PTPN11: variants seen among roughly 807,000 people sequenced by gnomAD.
PTPN11 encodes the protein protein tyrosine phosphatase non-receptor type 11.
In PTPN11, 6 loss-of-function variants were observed where a neutral mutation model predicts 78.8. That is an observed-to-expected ratio of 0.08 (90% CI 0.04 to 0.15). PTPN11 has a LOEUF of 0.15. PTPN11 is among the 10% of genes least tolerant of loss of function. PTPN11 has a pLI of 1.00. For missense variants in PTPN11, 386 were observed against 744.8 expected, an observed-to-expected ratio of 0.52 and a Z score of 5.61; for synonymous variants, 221 against 263.5, an observed-to-expected ratio of 0.84 and a Z score of 1.56.
intron 6 of PTPN11, among the ~76,000 whole-genome samples, chr12:112,460,453 A>G (rs1330620901): frequency 6.6e-6 from 1 of 152,210 alleles, no homozygotes; most frequent in Non-Finnish European, 1.5e-5. Flanking sequence ...TGTTCATATT[A>G]TACCAATTGT....
intron 13 of PTPN11, among the ~76,000 whole-genome samples, chr12:112,489,660 A>T (rs1047725428): frequency 2.0e-5 from 3 of 152,198 alleles, no homozygotes; most frequent in African/African-American, 7.2e-5. Context: ...GGAATGTGGA[A>T]TTGGAGCCTT....
chr12:112,422,851 C>G (rs1030904190), intron 1 of PTPN11, among the ~76,000 whole-genome samples: 5 of 152,184 alleles, frequency 3.3e-5, no homozygotes, highest in African/African-American at 4.8e-5. Context: ...GCTGGAAAAG[C>G]AGAGCCAACT....
At chr12:112,483,310 C>T (rs947990315) in intron 10 of PTPN11, among the ~76,000 whole-genome samples, 1 of 151,976 alleles carries the variant, frequency 6.6e-6, no homozygotes, top group African/African-American at 2.4e-5. Context: ...ACCTCAGCCT[C>T]CCATGTAGCT....
intron 9 of PTPN11, among the ~76,000 whole-genome samples, chr12:112,480,469 C>T (rs1189977713): frequency 6.0e-5 from 9 of 150,994 alleles, no homozygotes; most frequent in African/African-American, 1.2e-4. Context: ...CGGATTCAAG[C>T]GATTTTCCTG....
At chr12:112,451,695 C>T (rs2038081101) in intron 3 of PTPN11, among the ~76,000 whole-genome samples, 1 of 152,126 alleles carries the variant, frequency 6.6e-6, no homozygotes, top group Non-Finnish European at 1.5e-5. Context: ...TTGAGATGAT[C>T]ACCCAGGATA....
chr12:112,483,153 CAGG>C (rs924022998), intron 10 of PTPN11, among the ~76,000 whole-genome samples: 3 of 150,676 alleles, frequency 2.0e-5, no homozygotes, highest in Non-Finnish European at 2.9e-5. Flanking sequence ...AGAAAAAATG[CAGG>C]AGTTTAGGGT....
chr12:112,488,571 C>A (rs2135915402), intron 12 of PTPN11, 61 bp downstream of exon 12: 1 of 1,487,844 alleles, frequency 6.7e-7, no homozygotes, highest in Non-Finnish European at 9.4e-7. Flanking sequence ...AAGGAAAGTG[C>A]TCACGAAAAC....
intron 1 of PTPN11, among the ~76,000 whole-genome samples, chr12:112,429,616 AC>A (rs1195273790): frequency 2.0e-5 from 3 of 151,610 alleles, no homozygotes; most frequent in African/African-American, 7.3e-5. Context: ...AGCCTGGCCA[AC>A]ATGGTGAAAC....
At chr12:112,441,398 A>T (rs568451291) in intron 1 of PTPN11, among the ~76,000 whole-genome samples, 2 of 152,072 alleles carry the variant, frequency 1.3e-5, no homozygotes, top group South Asian at 4.2e-4. Flanking sequence ...AGTAGCTGGG[A>T]CTACAGGCAT....
chr12:112,419,135 C>T lies in PTPN11; in HGVS notation c.14+10C>T, dbSNP rs2135817533. Reference sequence around the variant, plus strand: ...ACATGACATCGCGGAGGTGAGGAGCCCCGAGGGGCCCGGCGCGGGCCTCGG... The same window carrying T: ...ACATGACATCGCGGAGGTGAGGAGCTCCGAGGGGCCCGGCGCGGGCCTCGG... On this transcript the variant is annotated intron_variant, in intron 1 of 15. Coordinates refer to ENST00000351677, the MANE Select transcript of PTPN11 (RefSeq NM_002834.5). 2 of 1,512,148 alleles carry T rather than the reference C, an allele frequency of 1.3e-6. No homozygotes were observed. The highest frequency in any genetic ancestry group is 2.7e-5 in the East Asian group (1 of 37,248). 93.7% of individuals were successfully genotyped at this position (1,512,148 alleles called of 1,614,324 possible).
At position 112,450,433 on chromosome 12, in the gene PTPN11, C is replaced by T. The variant is rs2135862555; in HGVS notation, c.253C>T (p.His85Tyr). The change falls in exon 3 of 16, where the codon CAC becomes TAC. Residue 85 changes from histidine (H) to tyrosine (Y), a missense_variant. His to Tyr is a moderately conservative substitution (Grantham distance 83). Coordinates refer to ENST00000351677, the MANE Select transcript of PTPN11 (RefSeq NM_002834.5). ...AELVQYYMEHHGQLKEKNGDV... is the reference protein window; with the variant it reads ...AELVQYYMEHYGQLKEKNGDV... The stretch of plus-strand genomic sequence containing the variant: ...GTTGGTCCAGTATTACATGGAACAT[C>T]ACGGGCAATTAAAAGAGAAGAATGG... 1 of 1,613,952 alleles carries T rather than the reference C, an allele frequency of 6.2e-7. No individual in the cohort carries two copies. Among genetic ancestry groups the T allele is most frequent in the South Asian group, 1.1e-5 (1 of 91,080 alleles).
intron 6 of PTPN11, among the ~76,000 whole-genome samples, chr12:112,471,717 G>GA (rs1024336337): frequency 2.8e-4 from 40 of 144,002 alleles, no homozygotes; most frequent in African/African-American, 6.1e-4. Context: ...TACCCTGGGA[G>GA]AAAAAAAAAA....
chr12:112,494,214 A>G (rs2038787641), intron 13 of PTPN11, among the ~76,000 whole-genome samples: 1 of 152,210 alleles, frequency 6.6e-6, no homozygotes, highest in Non-Finnish European at 1.5e-5. Context: ...AGATGGTGCC[A>G]CTGCACTTTA....
chr12:112,481,232 C>T (rs768532004), intron 9 of PTPN11, among the ~76,000 whole-genome samples: 3 of 152,184 alleles, frequency 2.0e-5, no homozygotes, highest in South Asian at 2.1e-4. Context: ...CAGTCTGGCT[C>T]GTTGGGCAGC....
At chr12:112,479,079 G>A (rs2038555942) in intron 9 of PTPN11, among the ~76,000 whole-genome samples, 2 of 152,106 alleles carry the variant, frequency 1.3e-5, no homozygotes, top group African/African-American at 4.8e-5. Context: ...CTCCCAAATG[G>A]TTGCTGCAGT....
intron 1 of PTPN11, among the ~76,000 whole-genome samples, chr12:112,435,055 G>A (rs889016546): frequency 7.2e-5 from 11 of 152,096 alleles, no homozygotes; most frequent in Non-Finnish European, 1.5e-5. Context: ...CGAAAGTGCT[G>A]TTGCCCAGGC....
intron 1 of PTPN11, among the ~76,000 whole-genome samples, chr12:112,440,891 G>T (rs1202394059): frequency 6.6e-6 from 1 of 151,148 alleles, no homozygotes; most frequent in East Asian, 2.0e-4. Context: ...CTTCTGACAA[G>T]CTCTCAGAGA....
chr12:112,495,120 A>G (rs1592858524), intron 13 of PTPN11, among the ~76,000 whole-genome samples: 1 of 152,202 alleles, frequency 6.6e-6, no homozygotes, highest in South Asian at 2.1e-4. Context: ...TATACCTTTC[A>G]TCCACTTTCC....
At chr12:112,454,796 A>G (rs762569486) in intron 5 of PTPN11, 116 bp downstream of exon 5, 3 of 714,320 alleles carry the variant, frequency 4.2e-6, no homozygotes, top group Non-Finnish European at 7.6e-6. Flanking sequence ...CCATGTACCC[A>G]TTGCAGCTTC....
Sources: gnomAD v4.1 joint callset for allele counts (sites outside exome capture counted in the v4.1 genomes callset) on GRCh38, gnomAD v4.1.1 for gene constraint, MANE v1.5 for transcripts, NCBI Gene and HGNC (gene_info 2026-07-23, HGNC 2026-07-21) for gene names.